Variants in AFF4 observed in about 807,000 individuals in gnomAD.
The protein encoded by AFF4 is ALF transcription elongation factor 4.
AFF4 carries 13 observed loss-of-function variants against 124.8 expected under a neutral mutation model. The observed-to-expected ratio is 0.10, with a 90% CI of 0.07 to 0.17. The LOEUF (loss-of-function observed/expected upper bound fraction) is 0.17, where lower values mean the gene tolerates loss of function less well. AFF4 is among the 10% of genes least tolerant of loss of function. AFF4 has a pLI of 1.00. For missense variants in AFF4, 1,092 were observed against 1,403.8 expected (o/e 0.78, Z 3.55); for synonymous variants, 477 against 496.1 (o/e 0.96, Z 0.51).
chr5:132,930,783 T>C (rs1425871341), intron 4 of AFF4, among the ~76,000 whole-genome samples: 2 of 152,048 alleles, frequency 1.3e-5, no homozygotes, highest in Non-Finnish European at 2.9e-5. Context: ...TTTTTGGTCA[T>C]GTGTCAATTT....
rs1222060516 is a variant in AFF4 at position 132,917,077 on chromosome 5, G to A, written c.1050+10044C>T. 2.6e-5 allele frequency among the ~76,000 whole-genome samples: 4 copies of A among 151,842 alleles called. No homozygotes were observed. In the East Asian group the frequency reaches 5.8e-4, roughly 22 times the overall value. ...CTGGGATTACAGCCATGTGCCACGC[G>A]CCCAGCTAATTTTGTATTTTTAGTA... On this transcript the variant is annotated intron_variant, in intron 5 of 20. Transcript: ENST00000265343.
intron 1 of AFF4, among the ~76,000 whole-genome samples, chr5:132,963,016 G>A (rs568829843): frequency 6.6e-6 from 1 of 150,478 alleles, no homozygotes; most frequent in East Asian, 1.9e-4. Flanking sequence ...AACACTAAAC[G>A]GATGGATTTC....
intron 2 of AFF4, among the ~76,000 whole-genome samples, chr5:132,936,747 G>A (rs190462833): frequency 6.6e-6 from 1 of 152,162 alleles, no homozygotes; most frequent in Non-Finnish European, 1.5e-5. Flanking sequence ...AAGAACACAG[G>A]ACAGCAATAG....
At chr5:132,886,672 A>G (rs1581269308) in intron 17 of AFF4, among the ~76,000 whole-genome samples, 1 of 152,258 alleles carries the variant, frequency 6.6e-6, no homozygotes, top group East Asian at 1.9e-4. Flanking sequence ...ACATGTCATG[A>G]AGTTTTAAAA....
chr5:132,883,329 A>AACCT lies in AFF4; in HGVS notation c.3364+7_3364+10dup. ...TTCCATCCCTTGAAGTTTATCCAGA[A>AACCT]ACCTACCTACCTTTTTGCTCTTTGG... On this transcript the variant is annotated intron_variant, in intron 20 of 20. Coordinates refer to ENST00000265343, the MANE Select transcript of AFF4 (RefSeq NM_014423.4). The AACCT allele has an allele frequency of 6.2e-7, 1 of 1,612,762 alleles. No homozygotes were observed. Among genetic ancestry groups the AACCT allele is most frequent in the Non-Finnish European group, 8.5e-7 (1 of 1,179,148 alleles).
At chr5:132,888,073 AG>A (rs750996919) in intron 15 of AFF4, 23 bp downstream of exon 15, 3 of 1,607,396 alleles carry the variant, frequency 1.9e-6, no homozygotes, top group Non-Finnish European at 2.6e-6. Flanking sequence ...TAAATACGTA[AG>A]TGTAAGGAGA....
At chr5:132,929,413 C>A (rs1761252383) in intron 4 of AFF4, among the ~76,000 whole-genome samples, 1 of 152,128 alleles carries the variant, frequency 6.6e-6, no homozygotes, top group African/African-American at 2.4e-5. Flanking sequence ...CTTCCACATA[C>A]TAATAATTCT....
chr5:132,959,952 G>C (rs1762046404), intron 1 of AFF4, among the ~76,000 whole-genome samples: 1 of 151,502 alleles, frequency 6.6e-6, no homozygotes, highest in Non-Finnish European at 1.5e-5. Context: ...TCTTTTAGTA[G>C]AGACGTGTTA....
chr5:132,937,812 G>A (rs1761467407), intron 1 of AFF4: 4 of 152,134 alleles, frequency 2.6e-5, no homozygotes, highest in Admixed American at 2.6e-4. Context: ...CAAAACCCAG[G>A]TTTTCAGTGA....
intron 1 of AFF4, among the ~76,000 whole-genome samples, chr5:132,952,908 C>T (rs199732558): frequency 1.3e-5 from 2 of 149,962 alleles, no homozygotes; most frequent in Non-Finnish European, 3.0e-5. Flanking sequence ...AAACAAAAAA[C>T]AAAAAAAAAC....
In AFF4 at chr5:132,934,847, T is replaced by C; in HGVS notation, c.218A>G (p.Lys73Arg). The C allele has an allele frequency of 6.2e-7, 1 of 1,614,144 alleles. No individual in the cohort carries two copies. The highest frequency in any genetic ancestry group is 8.5e-7 in the Non-Finnish European group (1 of 1,180,020). The change falls in exon 3 of 21, where the codon AAG (lysine) becomes AGG (arginine). Residue 73 changes from lysine to arginine, a missense_variant. Around this residue, in one of 11 missense-constraint regions of AFF4, gnomAD observed 35 missense variants for 70.9 expected, o/e 0.49. Coordinates refer to ENST00000265343, the MANE Select transcript of AFF4 (RefSeq NM_014423.4). Reference protein sequence around the residue: ...KDFIGDRSIPKLVAIPKPTVP... With the variant: ...KDFIGDRSIPRLVAIPKPTVP... Reference sequence around the variant, plus strand: ...TGTAGGCTTGGGAATTGCAACAAGCTTTGGTATAGATCTGTCTCCTATGAA... The same window carrying C: ...TGTAGGCTTGGGAATTGCAACAAGCCTTGGTATAGATCTGTCTCCTATGAA...
Position 132,892,215 on chromosome 5 carries a change from T to C in AFF4, c.2586A>G (p.Ser862=). ...TCTTCCCTTCGGTCTTCTTCTGCTT[T>C]GATGTGGAGGAACTGTTTTTGCTGC... ...SGSSKNSSST[S]KQKKTEGKTS... The change falls in exon 13 of 21, where the codon TCA becomes TCG. Residue 862 remains serine, a synonymous_variant. Coordinates refer to ENST00000265343, the MANE Select transcript of AFF4 (RefSeq NM_014423.4). 6.2e-7 allele frequency: 1 copy of C among 1,614,156 alleles called. No homozygotes were observed. The highest frequency in any genetic ancestry group is 8.5e-7 in the Non-Finnish European group (1 of 1,180,038).
At position 132,934,078 on chromosome 5, in the gene AFF4, T is replaced by C. The variant is rs1039425593; in HGVS notation, c.918+69A>G. The stretch of plus-strand genomic sequence containing the variant: ...GCAAGGAAGCAGTGTTCAAGTTCAA[T>C]CGTAATTTCATGATCAGTCAATTGC... On this transcript the variant is annotated intron_variant, in intron 3 of 20. Transcript: ENST00000265343. 14 of 1,486,390 alleles carry C rather than the reference T, an allele frequency of 9.4e-6. No individual in the cohort carries two copies. In the African/African-American group the frequency reaches 1.7e-4, roughly 18 times the overall value. 92.1% of individuals were successfully genotyped at this position (1,486,390 alleles called of 1,614,324 possible). A position where few individuals can be genotyped will look rare whatever the true frequency, so the allele number is the denominator to read the frequency against.
At position 132,878,554 on chromosome 5, in the gene AFF4, A is replaced by T. The variant is rs932799829; in HGVS notation, c.*2505T>A. The T allele has an allele frequency of 4.3e-6, 1 of 231,646 alleles. No individual in the cohort carries two copies. The highest frequency in any genetic ancestry group is 2.2e-5 in the African/African-American group (1 of 45,246). 14.3% of individuals were successfully genotyped at this position (231,646 alleles called of 1,614,324 possible). On this transcript the variant is annotated 3_prime_UTR_variant, in exon 21 of 21. Transcript: ENST00000265343. ...TGATGACAAAGACAGAACATCTAAG[A>T]AGATAGACATGGAGGAAAGGGAGTA...
chr5:132,932,251 T>A, intron 3 of AFF4, 29 bp from the exon 4 acceptor site: 2 of 1,585,888 alleles, frequency 1.3e-6, no homozygotes, highest in Non-Finnish European at 1.7e-6. Flanking sequence ...ACACATTAGA[T>A]TTTTATCAGT....
In AFF4 at chr5:132,934,392, G is replaced by C. The variant is rs141402018; in HGVS notation, c.673C>G (p.Arg225Gly). The change falls in exon 3 of 21, where the codon CGT becomes GGT. Residue 225 changes from arginine to glycine, a missense_variant. By Grantham distance (125) the Arg-to-Gly change is moderately radical (BLOSUM62 -2). Around this residue, in one of 11 missense-constraint regions of AFF4, gnomAD observed 188 missense variants for 203.0 expected, o/e 0.93. Coordinates refer to ENST00000265343, the MANE Select transcript of AFF4 (RefSeq NM_014423.4). ...DPDANWDSPS[R>G]VPFSSGQHST... ...TGCTGCCCACTTGAAAAAGGTACAC[G>C]GGAAGGAGAATCCCAGTTTGCATCA... 616 of 1,614,138 alleles carry C rather than the reference G, an allele frequency of 3.8e-4. No homozygotes were observed. Among genetic ancestry groups the C allele is most frequent in the Non-Finnish European group, 3.8e-4 (450 of 1,180,042 alleles).
chr5:132,939,434 A>G lies in AFF4; in HGVS notation c.-4-2241T>C, dbSNP rs374920203. ...TATTCATAAAACAAAACCAAAGAAC[A>G]TATTATACTCCATCACATTTGAACC... On this transcript the variant is annotated intron_variant, in intron 1 of 20. Transcript: ENST00000265343. 2.8e-4 allele frequency among the ~76,000 whole-genome samples: 42 copies of G among 152,334 alleles called. No individual in the cohort carries two copies. In the South Asian group the frequency reaches 5.8e-3, roughly 21 times the overall value.
rs1489800666 is a variant in AFF4, at chr5:132,934,760, G to C, written c.305C>G (p.Ser102Cys). Residue 102 changes from serine to cysteine, a missense_variant, in exon 3 of 21, where the codon TCT (serine) becomes TGT (cysteine). Physicochemically the swap from Ser to Cys is moderately radical, Grantham distance 112 (BLOSUM62 -1). Coordinates refer to ENST00000265343, the MANE Select transcript of AFF4 (RefSeq NM_014423.4). ...PNFFEQRHGG[S>C]HQSSKWTPVG... Reference sequence around the variant, plus strand: ...TGGAGTCCATTTGCTACTCTGATGAGAGCCTCCATGTCTCTGTTCAAAGAA... The same window carrying C: ...TGGAGTCCATTTGCTACTCTGATGACAGCCTCCATGTCTCTGTTCAAAGAA... 1.9e-6 allele frequency: 3 copies of C among 1,614,086 alleles called. No homozygotes were observed. Among genetic ancestry groups the C allele is most frequent in the East Asian group, 2.2e-5 (1 of 44,874 alleles).
chr5:132,876,112 A>T lies in AFF4; in HGVS notation c.*4947T>A, dbSNP rs1759832719. The T allele has an allele frequency of 8.7e-6, 2 of 230,534 alleles. No individual in the cohort carries two copies. Among genetic ancestry groups the T allele is most frequent in the Non-Finnish European group, 8.6e-6 (1 of 116,402 alleles). The allele number at this position is 230,534 out of a possible 1,614,324, so 14.3% of individuals were successfully genotyped here. A position where few individuals can be genotyped will look rare whatever the true frequency, so the allele number is the denominator to read the frequency against. ...CGGAGGCTAGATAGAAATTTTCATAACTGTGCTTACCAACCCCACAACTGG... is the reference window on the plus strand; with the variant it reads ...CGGAGGCTAGATAGAAATTTTCATATCTGTGCTTACCAACCCCACAACTGG... On this transcript the variant is annotated 3_prime_UTR_variant, in exon 21 of 21. Transcript: ENST00000265343.
Sources: allele counts gnomAD v4.1 joint callset (sites outside exome capture counted in the v4.1 genomes callset), GRCh38; gene constraint gnomAD v4.1.1; regional missense constraint gnomAD v4.1.1; transcripts MANE v1.5; gene names NCBI Gene and HGNC (gene_info 2026-07-23, HGNC 2026-07-21).